The following SYDE1 variants were observed in gnomAD, a reference collection of about 807,000 sequenced individuals.
SYDE1 encodes the protein synapse defective Rho GTPase activating protein 1, also known as rho GTPase-activating protein SYDE1.
In SYDE1, 34 loss-of-function variants were observed where a neutral mutation model predicts 63.3. That is an observed-to-expected ratio of 0.54 (90% CI 0.41 to 0.71). The LOEUF (loss-of-function observed/expected upper bound fraction) is 0.71, where lower values mean the gene tolerates loss of function less well. Ranked by LOEUF, SYDE1 falls within the 30% of genes least tolerant of loss-of-function variation. SYDE1 has a pLI of 0.00. For missense variants in SYDE1, 925 were observed against 1,042.5 expected, an observed-to-expected ratio of 0.89 and a Z score of 1.55; for synonymous variants, 467 against 473.4, an observed-to-expected ratio of 0.99 and a Z score of 0.18.
intron 7 of SYDE1, 91 bp downstream of exon 7, chr19:15,112,662 A>T: frequency 2.7e-6 from 3 of 1,118,550 alleles, no homozygotes; most frequent in Non-Finnish European, 3.8e-6. Context: ...CTTAGGCTTG[A>T]AGCTACGCCC....
In SYDE1 at chr19:15,110,259, T is replaced by C; in HGVS notation, c.986T>C (p.Leu329Pro). 2 of 1,416,140 alleles carry C rather than the reference T, an allele frequency of 1.4e-6. No individual in the cohort carries two copies. The highest frequency in any genetic ancestry group is 1.8e-6 in the Non-Finnish European group (2 of 1,088,190). The allele number at this position is 1,416,140 out of a possible 1,614,324, so 87.7% of individuals were successfully genotyped here. Residue 329 changes from leucine to proline, a missense_variant, in exon 3 of 8, where the codon CTG becomes CCG. By Grantham distance (98) the Leu-to-Pro change is moderately conservative. Transcript: ENST00000342784. The surrounding 1 kb of genome is among the most constrained non-coding windows in gnomAD (Gnocchi z 6.9). Reference sequence around the variant, plus strand: ...CTGGAGCTGGAGGCCGCCAGGCTCCTGCGCGCCCTGGTGCTTGCGTGGGAC... The same window carrying C: ...CTGGAGCTGGAGGCCGCCAGGCTCCCGCGCGCCCTGGTGCTTGCGTGGGAC... ...FHLELEAARL[L>P]RALVLAWDPG... is the part of the protein sequence containing the mutation.
At position 15,108,051 on chromosome 19, in the gene SYDE1, A is replaced by G. The variant is rs908867337; in HGVS notation, c.88+530A>G. Reference sequence around the variant, plus strand: ...CCAGGAAACTGTCCCTTTTATACAGATGGGGAAACTGAGGCACGGAGCAAT... The same window carrying G: ...CCAGGAAACTGTCCCTTTTATACAGGTGGGGAAACTGAGGCACGGAGCAAT... On this transcript the variant is annotated intron_variant, in intron 1 of 7. Coordinates refer to ENST00000342784, the MANE Select transcript of SYDE1 (RefSeq NM_033025.6). The surrounding 1 kb of genome is among the most constrained non-coding windows in gnomAD (Gnocchi z 4.3). 2.6e-5 allele frequency among the ~76,000 whole-genome samples: 4 copies of G among 152,138 alleles called. No individual in the cohort carries two copies. The highest frequency in any genetic ancestry group is 4.4e-5 in the Non-Finnish European group (3 of 68,026).
Position 15,110,277 on chromosome 19 carries a change from C to T in SYDE1, c.1004C>T (p.Ala335Val), listed in dbSNP as rs948897545. The part of the protein sequence containing the change: ...AARLLRALVL[A>V]WDPGVRRHRP... ...AGGCTCCTGCGCGCCCTGGTGCTTG[C>T]GTGGGACCCTGGCGTGAGAAGGCAC... The change falls in exon 3 of 8, where the codon GCG (alanine) becomes GTG (valine). Residue 335 changes from alanine (A) to valine (V), a missense_variant. Coordinates refer to ENST00000342784, the MANE Select transcript of SYDE1 (RefSeq NM_033025.6). The surrounding 1 kb of genome is among the most constrained non-coding windows in gnomAD (Gnocchi z 6.9). 3 of 1,417,818 alleles carry T rather than the reference C, an allele frequency of 2.1e-6. No individual in the cohort carries two copies. Among genetic ancestry groups the T allele is most frequent in the African/African-American group, 1.5e-5 (1 of 68,290 alleles). 87.8% of individuals were successfully genotyped at this position (1,417,818 alleles called of 1,614,324 possible).
Position 15,110,106 on chromosome 19 carries a change from T to C in SYDE1, c.833T>C (p.Leu278Pro). 1 of 1,418,902 alleles carries C rather than the reference T, an allele frequency of 7.0e-7. No homozygotes were observed. The highest frequency in any genetic ancestry group is 3.1e-5 in the Admixed American group (1 of 32,246). The allele number at this position is 1,418,902 out of a possible 1,614,324, so 87.9% of individuals were successfully genotyped here. ...CTGCACCTGTACGGTCTCGGGGGGCTGCGGCCAGCGCCGGGGGCCACCCCC... is the reference window on the plus strand; with the variant it reads ...CTGCACCTGTACGGTCTCGGGGGGCCGCGGCCAGCGCCGGGGGCCACCCCC... ...LSLHLYGLGGLRPAPGATPRD... is the reference protein window; with the variant it reads ...LSLHLYGLGGPRPAPGATPRD... The change falls in exon 3 of 8, where the codon CTG becomes CCG. Residue 278 changes from leucine to proline, a missense_variant. Transcript: ENST00000342784. The surrounding 1 kb of genome is among the most constrained non-coding windows in gnomAD (Gnocchi z 6.9).
rs1568327126 is a variant in SYDE1 at position 15,107,531 on chromosome 19, G to A, written c.88+10G>A. 1 of 1,536,618 alleles carries A rather than the reference G, an allele frequency of 6.5e-7. No individual in the cohort carries two copies. Among genetic ancestry groups the A allele is most frequent in the South Asian group, 1.2e-5 (1 of 83,914 alleles). On this transcript the variant is annotated intron_variant, in intron 1 of 7. Coordinates refer to ENST00000342784, the MANE Select transcript of SYDE1 (RefSeq NM_033025.6). ...GACGCCAAGGAGCGCGGTAAGCGGA[G>A]ATCGGTGGGGAACAGGGGGCGCCGA...
chr19:15,109,154 G>C lies in SYDE1; in HGVS notation c.187G>C (p.Ala63Pro). 4 of 1,552,354 alleles carry C rather than the reference G, an allele frequency of 2.6e-6. No individual in the cohort carries two copies. The highest frequency in any genetic ancestry group is 2.6e-6 in the Non-Finnish European group (3 of 1,147,504). The change falls in exon 2 of 8, where the codon GCA becomes CCA. Residue 63 changes from alanine (A) to proline (P), a missense_variant. Around this residue, in one of 3 missense-constraint regions of SYDE1, gnomAD observed 599 missense variants for 653.7 expected, o/e 0.92. Transcript: ENST00000342784. This position sits in a 1 kb window ranked among gnomAD's most constrained non-coding sequence, Gnocchi z 5.0. ...AGAEGPSSPE[A>P]SRSPARGAYL... ...AGCAGAGGGGCCCTCCAGCCCCGAG[G>C]CATCAAGGAGCCCTGCACGGGGAGC... is the stretch of plus-strand genomic sequence containing the variant.
Position 15,113,955 on chromosome 19 carries a change from T to G in SYDE1, c.2200T>G (p.Cys734Gly). 1.2e-6 allele frequency: 2 copies of G among 1,611,690 alleles called. No homozygotes were observed. The highest frequency in any genetic ancestry group is 1.7e-6 in the Non-Finnish European group (2 of 1,178,388). The change falls in exon 8 of 8, where the codon TGC becomes GGC. Residue 734 changes from cysteine (C) to glycine (G), a missense_variant. Cys to Gly is a radical substitution (Grantham distance 159). This residue lies in a region of SYDE1 where 255 missense variants were observed against 255.9 expected (regional missense o/e 1.00). Coordinates refer to ENST00000342784, the MANE Select transcript of SYDE1 (RefSeq NM_033025.6). ...ERELSKQINV[C>G]L ...AGAGCTCTCCAAGCAAATCAACGTG[T>G]GCCTCTGAGCCAGATGACGGGGTGG...
In SYDE1 at chr19:15,110,148, T is replaced by C. The variant is rs2145324514; in HGVS notation, c.875T>C (p.Leu292Pro). 7.1e-7 allele frequency: 1 copy of C among 1,407,658 alleles called. No homozygotes were observed. Among genetic ancestry groups the C allele is most frequent in the Non-Finnish European group, 9.2e-7 (1 of 1,085,768 alleles). The allele number at this position is 1,407,658 out of a possible 1,614,324, so 87.2% of individuals were successfully genotyped here. The change falls in exon 3 of 8, where the codon CTA (leucine) becomes CCA (proline). Residue 292 changes from leucine (L) to proline (P), a missense_variant. By Grantham distance (98) the Leu-to-Pro change is moderately conservative. Around this residue, in one of 3 missense-constraint regions of SYDE1, gnomAD observed 599 missense variants for 653.7 expected, o/e 0.92. Transcript: ENST00000342784. The surrounding 1 kb of genome is among the most constrained non-coding windows in gnomAD (Gnocchi z 6.9). ...PGATPRDLCC[L>P]LQVDGEARAR... ...GCCACCCCCAGGGACCTCTGCTGCC[T>C]ACTGCAAGTGGATGGGGAGGCCAGG...
intron 7 of SYDE1, 83 bp downstream of exon 7, chr19:15,112,654 TA>T (rs1174254606): frequency 7.7e-7 from 1 of 1,294,264 alleles, no homozygotes; most frequent in Non-Finnish European, 1.0e-6. Flanking sequence ...ATCAGTGTCT[TA>T]GGCTTGAAGC....
chr19:15,109,456 C>T lies in SYDE1; in HGVS notation c.430+59C>T. On this transcript the variant is annotated intron_variant, in intron 2 of 7. Coordinates refer to ENST00000342784, the MANE Select transcript of SYDE1 (RefSeq NM_033025.6). The surrounding 1 kb of genome is among the most constrained non-coding windows in gnomAD (Gnocchi z 5.0). ...TGAGCACCAGCTCCACATCCCTTCCCTTCAGGGTAGCACCAGCCTCACACT... is the reference window on the plus strand; with the variant it reads ...TGAGCACCAGCTCCACATCCCTTCCTTTCAGGGTAGCACCAGCCTCACACT... The T allele has an allele frequency of 1.4e-6, 2 of 1,471,940 alleles. No homozygotes were observed. Among genetic ancestry groups the T allele is most frequent in the South Asian group, 2.9e-5 (2 of 69,942 alleles). 91.2% of individuals were successfully genotyped at this position (1,471,940 alleles called of 1,614,324 possible). A position where few individuals can be genotyped will look rare whatever the true frequency, so the allele number is the denominator to read the frequency against.
chr19:15,110,346 G>T lies in SYDE1; in HGVS notation c.1073G>T (p.Arg358Leu). 7.0e-7 allele frequency: 1 copy of T among 1,432,522 alleles called. No individual in the cohort carries two copies. The highest frequency in any genetic ancestry group is 9.1e-7 in the Non-Finnish European group (1 of 1,094,804). The allele number at this position is 1,432,522 out of a possible 1,614,324, so 88.7% of individuals were successfully genotyped here. Residue 358 changes from arginine to leucine, a missense_variant and splice_region_variant, in exon 3 of 8, where the codon CGA (arginine) becomes CTA (leucine). Arg to Leu is a moderately radical substitution (Grantham distance 102). Transcript: ENST00000342784. This position sits in a 1 kb window ranked among gnomAD's most constrained non-coding sequence, Gnocchi z 6.9. ...ACCGTGCTGCTGCCCACGGTCTTCC[G>T]AGGTAGGACATGCGGCTGCAGGGGA... The part of the protein sequence containing the change: ...QGTVLLPTVF[R>L]GCQAQQLAVR...
In SYDE1 at chr19:15,111,270, T is replaced by C; in HGVS notation, c.1291-43T>C. 1 of 1,609,968 alleles carries C rather than the reference T, an allele frequency of 6.2e-7. No homozygotes were observed. Among genetic ancestry groups the C allele is most frequent in the South Asian group, 1.1e-5 (1 of 90,616 alleles). ...ACCCCACTGGGCCCTGATTAGTCTG[T>C]GGCCCCGGCAAGAAGACATTCACTC... On this transcript the variant is annotated intron_variant, in intron 4 of 7. Transcript: ENST00000342784. This position sits in a 1 kb window ranked among gnomAD's most constrained non-coding sequence, Gnocchi z 5.5.
At position 15,108,905 on chromosome 19, in the gene SYDE1, T is replaced by C; in HGVS notation, c.89-151T>C. On this transcript the variant is annotated intron_variant, in intron 1 of 7. Transcript: ENST00000342784. The surrounding 1 kb of genome is among the most constrained non-coding windows in gnomAD (Gnocchi z 4.3). ...GAGATCGCTAGCCTGTGGCTGCCTA[T>C]TCCAAACAAAACAGCAGGATCCAAG... 1 of 1,292,294 alleles carries C rather than the reference T, an allele frequency of 7.7e-7. No individual in the cohort carries two copies. The highest frequency in any genetic ancestry group is 1.8e-5 in the South Asian group (1 of 54,938). 80.1% of individuals were successfully genotyped at this position (1,292,294 alleles called of 1,614,324 possible). A position where few individuals can be genotyped will look rare whatever the true frequency, so the allele number is the denominator to read the frequency against.
Position 15,109,971 on chromosome 19 carries a change from G to C in SYDE1, c.698G>C (p.Gly233Ala), listed in dbSNP as rs1054584284. The change falls in exon 3 of 8, where the codon GGG becomes GCG. Residue 233 changes from glycine to alanine, a missense_variant. Gly to Ala is a moderately conservative substitution (Grantham distance 60). Transcript: ENST00000342784. The surrounding 1 kb of genome is among the most constrained non-coding windows in gnomAD (Gnocchi z 5.0). The stretch of plus-strand genomic sequence containing the variant: ...CCGAGGGCCGGTTACCTCAGCGACG[G>C]GGACTCACCGGAGCGCCCAGCTGGG... ...RSPRAGYLSDGDSPERPAGPP... is the reference protein window; with the variant it reads ...RSPRAGYLSDADSPERPAGPP... 1 of 1,483,664 alleles carries C rather than the reference G, an allele frequency of 6.7e-7. No individual in the cohort carries two copies. The highest frequency in any genetic ancestry group is 2.6e-5 in the East Asian group (1 of 37,768). The allele number at this position is 1,483,664 out of a possible 1,614,324, so 91.9% of individuals were successfully genotyped here. A position where few individuals can be genotyped will look rare whatever the true frequency, so the allele number is the denominator to read the frequency against.
Position 15,114,140 on chromosome 19 carries a change from C to G in SYDE1, c.*177C>G. Reference sequence around the variant, plus strand: ...AGACTCATTCCCAGTTTCCAGGGCCCGGTATTTGGACACTAGTTGCCAAGT... The same window carrying G: ...AGACTCATTCCCAGTTTCCAGGGCCGGGTATTTGGACACTAGTTGCCAAGT... On this transcript the variant is annotated 3_prime_UTR_variant, in exon 8 of 8. Transcript: ENST00000342784. 1.6e-6 allele frequency: 1 copy of G among 634,886 alleles called. No individual in the cohort carries two copies. Among genetic ancestry groups the G allele is most frequent in the Admixed American group, 3.1e-5 (1 of 32,512 alleles). The allele number at this position is 634,886 out of a possible 1,614,324, so 39.3% of individuals were successfully genotyped here.
rs751814854 is a variant in SYDE1, at chr19:15,111,306, C to T, written c.1291-7C>T. On this transcript the variant is annotated splice_polypyrimidine_tract_variant and splice_region_variant and intron_variant, in intron 4 of 7. Transcript: ENST00000342784. The surrounding 1 kb of genome is among the most constrained non-coding windows in gnomAD (Gnocchi z 5.5). ...AGAAGACATTCACTCTCTCTTCCCACCCCCAGGTAGTGGGACTGTACCGTC... is the reference window on the plus strand; with the variant it reads ...AGAAGACATTCACTCTCTCTTCCCATCCCCAGGTAGTGGGACTGTACCGTC... 3.7e-6 allele frequency: 6 copies of T among 1,613,968 alleles called. No homozygotes were observed. The highest frequency in any genetic ancestry group is 5.1e-6 in the Non-Finnish European group (6 of 1,179,898).
Position 15,110,753 on chromosome 19 carries a change from C to T in SYDE1, c.1290+18C>T, listed in dbSNP as rs759442831. ...GGCTGCGGGTGAGCACCCACCCCAC[C>T]CCAACCCTCTGGCCCCCAGACCTCA... On this transcript the variant is annotated intron_variant, in intron 4 of 7. Transcript: ENST00000342784. This position sits in a 1 kb window ranked among gnomAD's most constrained non-coding sequence, Gnocchi z 6.9. 9 of 1,520,906 alleles carry T rather than the reference C, an allele frequency of 5.9e-6. No individual in the cohort carries two copies. The highest frequency in any genetic ancestry group is 1.4e-5 in the African/African-American group (1 of 72,850). 94.2% of individuals were successfully genotyped at this position (1,520,906 alleles called of 1,614,324 possible).
rs1436556580 is a variant in SYDE1, at chr19:15,111,140, A to C, written c.1291-173A>C. Among the ~76,000 whole-genome samples the C allele has an allele frequency of 6.6e-6, 1 of 152,158 alleles. No individual in the cohort carries two copies. Among genetic ancestry groups the C allele is most frequent in the African/African-American group, 2.4e-5 (1 of 41,432 alleles). ...CCTAAGTCAAAGGAGATGGCAGCCAAGACAAGTAGTCCAAGCAGAGGGTTT... is the reference window on the plus strand; with the variant it reads ...CCTAAGTCAAAGGAGATGGCAGCCACGACAAGTAGTCCAAGCAGAGGGTTT... On this transcript the variant is annotated intron_variant, in intron 4 of 7. Transcript: ENST00000342784. This position sits in a 1 kb window ranked among gnomAD's most constrained non-coding sequence, Gnocchi z 5.5.
In SYDE1 at chr19:15,107,433, C is replaced by A. The variant is rs568779115; in HGVS notation, c.-1C>A. Reference sequence around the variant, plus strand: ...CGGCTCGGCCCGGCCCGGGCCGCAGCATGGCCGAGCCGCTACTCAGGAAAA... The same window carrying A: ...CGGCTCGGCCCGGCCCGGGCCGCAGAATGGCCGAGCCGCTACTCAGGAAAA... On this transcript the variant is annotated 5_prime_UTR_variant, in exon 1 of 8. Coordinates refer to ENST00000342784, the MANE Select transcript of SYDE1 (RefSeq NM_033025.6). The A allele has an allele frequency of 1.7e-5, 24 of 1,429,486 alleles. No individual in the cohort carries two copies. In the South Asian group the frequency reaches 2.9e-4, roughly 18 times the overall value. The allele number at this position is 1,429,486 out of a possible 1,614,324, so 88.6% of individuals were successfully genotyped here. A position where few individuals can be genotyped will look rare whatever the true frequency, so the allele number is the denominator to read the frequency against.
Sources: allele counts gnomAD v4.1 joint callset (sites outside exome capture counted in the v4.1 genomes callset), GRCh38; gene constraint gnomAD v4.1.1; regional missense constraint gnomAD v4.1.1; non-coding constraint Gnocchi (gnomAD v3.1); transcripts MANE v1.5; gene names NCBI Gene and HGNC (gene_info 2026-07-23, HGNC 2026-07-21).